The following KCNIP4 variants were observed in gnomAD, a reference collection of about 807,000 sequenced individuals.
The protein encoded by KCNIP4 is Kv channel-interacting protein 4.
KCNIP4 carries 12 observed loss-of-function variants against 34.0 expected under a neutral mutation model. The ratio of observed to expected loss-of-function variants is 0.35; its 90% confidence interval spans 0.23 to 0.57. KCNIP4 has a LOEUF of 0.57. Among genes scored for constraint, KCNIP4 ranks in the 20% least tolerant of loss-of-function variants. The pLI is 0.83. For missense variants in KCNIP4, 238 were observed against 311.7 expected (o/e 0.76, Z 1.78); for synonymous variants, 124 against 102.2 (o/e 1.21, Z -1.29).
intron 1 of KCNIP4, among the ~76,000 whole-genome samples, chr4:21,903,848 A>C (rs1435442774): frequency 1.3e-5 from 2 of 152,154 alleles, no homozygotes; most frequent in Admixed American, 6.6e-5. Context: ...ATTCATTATC[A>C]TAAATTTCAG....
intron 3 of KCNIP4, among the ~76,000 whole-genome samples, chr4:20,813,785 A>C (rs907593312): frequency 1.3e-5 from 2 of 152,250 alleles, no homozygotes; most frequent in Non-Finnish European, 2.9e-5. Flanking sequence ...CTTAGGAAAC[A>C]GGAAAAAATT....
At chr4:21,021,862 A>ATCG (rs1740085295) in intron 1 of KCNIP4, among the ~76,000 whole-genome samples, 1 of 93,596 alleles carries the variant, frequency 1.1e-5, no homozygotes, top group Non-Finnish European at 2.2e-5. Context: ...ATAGTATCGT[A>ATCG]TAGTATAGTA....
At chr4:21,013,376 CAG>C (rs1739231482) in intron 1 of KCNIP4, among the ~76,000 whole-genome samples, 1 of 152,098 alleles carries the variant, frequency 6.6e-6, no homozygotes, top group Admixed American at 6.6e-5. Context: ...ACAGTGAACA[CAG>C]AGGATACAGC....
At chr4:21,379,783 C>T (rs1237701288) in intron 1 of KCNIP4, among the ~76,000 whole-genome samples, 2 of 152,124 alleles carry the variant, frequency 1.3e-5, no homozygotes, top group Non-Finnish European at 2.9e-5. Context: ...AAGATTCATG[C>T]TTGGCCTTCC....
intron 1 of KCNIP4, among the ~76,000 whole-genome samples, chr4:21,938,071 T>G (rs1010580393): frequency 1.3e-5 from 2 of 152,150 alleles, no homozygotes; most frequent in Non-Finnish European, 2.9e-5. Flanking sequence ...GTTCCCTGAT[T>G]GTAGTACCAT....
At chr4:21,899,216 G>T (rs1453237982) in intron 1 of KCNIP4, among the ~76,000 whole-genome samples, 1 of 152,010 alleles carries the variant, frequency 6.6e-6, no homozygotes, top group Admixed American at 6.6e-5. Flanking sequence ...TCCAAAAAAG[G>T]CATTTGATAC....
At chr4:21,527,652 G>T (rs1736085244) in intron 1 of KCNIP4, among the ~76,000 whole-genome samples, 1 of 152,152 alleles carries the variant, frequency 6.6e-6, no homozygotes, top group Admixed American at 6.5e-5. Context: ...CATTGTAGCT[G>T]TTACAGACGT....
chr4:21,134,216 C>T (rs910051655), intron 1 of KCNIP4, among the ~76,000 whole-genome samples: 15 of 152,138 alleles, frequency 9.9e-5, no homozygotes, highest in African/African-American at 3.1e-4. Context: ...ACCAACCCCT[C>T]CTCTTCCTCC....
chr4:21,166,597 C>T lies in KCNIP4; in HGVS notation c.62-283888G>A, dbSNP rs1017424320. Among the ~76,000 whole-genome samples, 5 of 152,292 alleles carry T rather than the reference C, an allele frequency of 3.3e-5. No individual in the cohort carries two copies. In the East Asian group the frequency reaches 9.7e-4, roughly 29 times the overall value. ...GCTTGTCCACAAATATTCATAACAGCATTATTCATAATAGCCCCAAAGTGG... is the reference window on the plus strand; with the variant it reads ...GCTTGTCCACAAATATTCATAACAGTATTATTCATAATAGCCCCAAAGTGG... On this transcript the variant is annotated intron_variant, in intron 1 of 8. Coordinates refer to ENST00000382152, the MANE Select transcript of KCNIP4 (RefSeq NM_025221.6).
At chr4:20,928,631 T>C (rs538132932) in intron 1 of KCNIP4, among the ~76,000 whole-genome samples, 190 of 151,146 alleles carry the variant, frequency 1.3e-3, no homozygotes, top group Admixed American at 2.6e-3. Flanking sequence ...TAGAATGAAA[T>C]AAAAGGGAGC....
intron 1 of KCNIP4, among the ~76,000 whole-genome samples, chr4:21,193,562 C>A (rs1436738069): frequency 2.2e-5 from 3 of 133,544 alleles, no homozygotes; most frequent in African/African-American, 9.2e-5. Context: ...TCACTTATTG[C>A]AATTTTAAAT....
At chr4:20,957,229 A>C (rs1001906127) in intron 1 of KCNIP4, among the ~76,000 whole-genome samples, 1 of 152,196 alleles carries the variant, frequency 6.6e-6, no homozygotes, top group African/African-American at 2.4e-5. Context: ...CAGATTCCAC[A>C]GTGACCCTCT....
chr4:20,996,592 C>T (rs1737577776), intron 1 of KCNIP4, among the ~76,000 whole-genome samples: 1 of 152,158 alleles, frequency 6.6e-6, no homozygotes, highest in African/African-American at 2.4e-5. Flanking sequence ...TTATTCTTTT[C>T]TCTTTCTTGC....
At chr4:20,853,025 G>A (rs1721195706) in intron 2 of KCNIP4, among the ~76,000 whole-genome samples, 1 of 152,114 alleles carries the variant, frequency 6.6e-6, no homozygotes, top group Non-Finnish European at 1.5e-5. Flanking sequence ...TCATGGATGG[G>A]TAGAATCAAT....
At chr4:21,405,210 T>C (rs1245789003) in intron 1 of KCNIP4, among the ~76,000 whole-genome samples, 1 of 152,174 alleles carries the variant, frequency 6.6e-6, no homozygotes, top group African/African-American at 2.4e-5. Context: ...CACCTAACCC[T>C]GGCTCCTTAA....
chr4:21,572,113 G>A (rs972379579), intron 1 of KCNIP4, among the ~76,000 whole-genome samples: 2 of 152,094 alleles, frequency 1.3e-5, no homozygotes, highest in African/African-American at 4.8e-5. Context: ...CCTGATTGCT[G>A]GGGATTCCAT....
At chr4:21,910,052 C>T (rs181358411) in intron 1 of KCNIP4, among the ~76,000 whole-genome samples, 148 of 152,102 alleles carry the variant, frequency 9.7e-4, no homozygotes, top group African/African-American at 3.4e-3. Flanking sequence ...AATAAACAAA[C>T]GAAGATGATG....
intron 1 of KCNIP4, among the ~76,000 whole-genome samples, chr4:21,723,240 C>T (rs942671583): frequency 2.0e-5 from 3 of 152,082 alleles, no homozygotes; most frequent in Non-Finnish European, 4.4e-5. Context: ...ATCTGTGATG[C>T]TGCTAAAATT....
chr4:21,509,566 AC>A (rs1301641912), intron 1 of KCNIP4, among the ~76,000 whole-genome samples: 1 of 152,174 alleles, frequency 6.6e-6, no homozygotes, highest in Non-Finnish European at 1.5e-5. Context: ...ATAGCCTGAT[AC>A]CATTAATATA....
Sources: allele counts gnomAD v4.1 joint callset (sites outside exome capture counted in the v4.1 genomes callset), GRCh38; gene constraint gnomAD v4.1.1; transcripts MANE v1.5; gene names NCBI Gene and HGNC (gene_info 2026-07-23, HGNC 2026-07-21).